Variants in NAV3 observed in about 807,000 individuals in gnomAD.
NAV3 encodes the protein pore membrane and/or filament interacting like protein 1.
NAV3 carries 87 observed loss-of-function variants against 244.7 expected under a neutral mutation model. The ratio of observed to expected loss-of-function variants is 0.36; its 90% CI spans 0.30 to 0.42. The LOEUF (loss-of-function observed/expected upper bound fraction) is 0.42, where lower values mean the gene tolerates loss of function less well. Among genes scored for constraint, NAV3 ranks in the 20% least tolerant of loss-of-function variants. The pLI, the probability that NAV3 is intolerant of heterozygous loss-of-function variation, is 1.00. For synonymous variants in NAV3, 1,126 were observed against 1,042.2 expected, an observed-to-expected ratio of 1.08 and a Z score of -1.55; for missense variants, 2,663 against 2,893.3, an observed-to-expected ratio of 0.92 and a Z score of 1.83.
At chr12:78,045,544 C>T (rs567207787) in intron 9 of NAV3, among the ~76,000 whole-genome samples, 91 of 152,148 alleles carry the variant, frequency 6.0e-4, no homozygotes, top group Non-Finnish European at 1.1e-3. Flanking sequence ...CTGCCCACCT[C>T]AGCCTCCCAA....
At chr12:77,605,954 AG>A (rs1220169951) in intron 2 of NAV3, among the ~76,000 whole-genome samples, 1 of 152,184 alleles carries the variant, frequency 6.6e-6, no homozygotes, top group Admixed American at 6.5e-5. Context: ...GCGATTCCAC[AG>A]GGAACATTTT....
chr12:77,749,884 T>C (rs1286097657), intron 2 of NAV3, among the ~76,000 whole-genome samples: 2 of 152,194 alleles, frequency 1.3e-5, no homozygotes, highest in Non-Finnish European at 2.9e-5. Flanking sequence ...ATGTAACAGA[T>C]GCTAGAGTTC....
chr12:77,685,228 T>G (rs1244031773), intron 2 of NAV3, among the ~76,000 whole-genome samples: 1 of 152,190 alleles, frequency 6.6e-6, no homozygotes, highest in Non-Finnish European at 1.5e-5. Context: ...TATGCATAAA[T>G]CTTTTAACCA....
At chr12:78,143,545 C>A (rs1450027154) in intron 20 of NAV3, 4 of 260,934 alleles carry the variant, frequency 1.5e-5, no homozygotes, top group Non-Finnish European at 3.1e-5. Context: ...GCAGGAGAAT[C>A]GCCTGAACCT....
intron 9 of NAV3, among the ~76,000 whole-genome samples, chr12:78,024,347 A>C (rs971424559): frequency 1.2e-4 from 18 of 152,160 alleles, no homozygotes; most frequent in African/African-American, 4.1e-4. Flanking sequence ...AACTCACTTT[A>C]CATATATGAC....
chr12:77,701,438 C>T (rs980616234), intron 2 of NAV3, among the ~76,000 whole-genome samples: 3 of 151,820 alleles, frequency 2.0e-5, no homozygotes, highest in South Asian at 2.1e-4. Context: ...TCTTCTTGAT[C>T]AGTCTTGCTA....
intron 2 of NAV3, among the ~76,000 whole-genome samples, chr12:77,620,708 C>A (rs1871335299): frequency 6.6e-6 from 1 of 152,018 alleles, no homozygotes; most frequent in Non-Finnish European, 1.5e-5. Context: ...GTGATCCACC[C>A]CCCTCAGCCT....
intron 9 of NAV3, among the ~76,000 whole-genome samples, chr12:78,040,847 A>G (rs1880734006): frequency 6.6e-6 from 1 of 152,094 alleles, no homozygotes; most frequent in Admixed American, 6.5e-5. Flanking sequence ...TGCTTCTCCA[A>G]TTTTGTCCCC....
At chr12:77,853,554 T>C (rs1253124466) in intron 1 of NAV3, among the ~76,000 whole-genome samples, 2 of 152,174 alleles carry the variant, frequency 1.3e-5, no homozygotes, top group Non-Finnish European at 2.9e-5. Context: ...AACTATTCTA[T>C]GCAAAAAGCA....
At chr12:77,613,494 G>T (rs965431021) in intron 2 of NAV3, among the ~76,000 whole-genome samples, 2 of 152,100 alleles carry the variant, frequency 1.3e-5, no homozygotes, top group Non-Finnish European at 2.9e-5. Flanking sequence ...AAGACTCAGG[G>T]TGTCCTCTGT....
intron 24 of NAV3, among the ~76,000 whole-genome samples, chr12:78,170,608 T>A (rs1957961186): frequency 6.6e-6 from 1 of 151,782 alleles, no homozygotes; most frequent in Admixed American, 6.6e-5. Context: ...GCTTCATTTA[T>A]TCAACAAATA....
chr12:77,696,339 A>G (rs1373529887), intron 2 of NAV3, among the ~76,000 whole-genome samples: 2 of 152,182 alleles, frequency 1.3e-5, no homozygotes, highest in East Asian at 3.9e-4. Context: ...TGATGAAACA[A>G]GCTGCTATGT....
At chr12:78,098,881 T>A (rs537400872) in intron 12 of NAV3, among the ~76,000 whole-genome samples, 15 of 151,106 alleles carry the variant, frequency 9.9e-5, no homozygotes, top group Admixed American at 4.6e-4. Context: ...ACTATTAATA[T>A]AATTAGTAAC....
intron 2 of NAV3, among the ~76,000 whole-genome samples, chr12:77,623,608 G>T (rs1011813726): frequency 6.6e-6 from 1 of 152,136 alleles, no homozygotes; most frequent in Non-Finnish European, 1.5e-5. Context: ...CTATTTTACC[G>T]CTGCTCAGCA....
intron 2 of NAV3, among the ~76,000 whole-genome samples, chr12:77,805,414 A>G (rs896248178): frequency 2.0e-5 from 3 of 152,180 alleles, no homozygotes; most frequent in African/African-American, 7.2e-5. Context: ...TTCTGCATCT[A>G]TTGAGATAAT....
chr12:78,165,629 C>T (rs927273271), intron 23 of NAV3, among the ~76,000 whole-genome samples: 6 of 151,476 alleles, frequency 4.0e-5, no homozygotes, highest in Non-Finnish European at 5.9e-5. Flanking sequence ...CATCTGAAGG[C>T]CACATTACAA....
chr12:78,024,385 T>A (rs1877657981), intron 9 of NAV3, among the ~76,000 whole-genome samples: 1 of 152,154 alleles, frequency 6.6e-6, no homozygotes, highest in Non-Finnish European at 1.5e-5. Context: ...TATGTAATGC[T>A]CCTGGCAGTC....
chr12:77,610,570 G>C (rs911458064), intron 2 of NAV3, among the ~76,000 whole-genome samples: 7 of 152,052 alleles, frequency 4.6e-5, no homozygotes, highest in Non-Finnish European at 1.0e-4. Flanking sequence ...GACTTGTGCT[G>C]GTTGCACACA....
chr12:78,066,446 A>C (rs944926111), intron 12 of NAV3, among the ~76,000 whole-genome samples: 3 of 152,290 alleles, frequency 2.0e-5, no homozygotes, highest in African/African-American at 7.2e-5. Flanking sequence ...TCATCCAGGT[A>C]GCTATTCAGT....
Sources: allele counts gnomAD v4.1 joint callset (sites outside exome capture counted in the v4.1 genomes callset), GRCh38; gene constraint gnomAD v4.1.1; transcripts MANE v1.5; gene names NCBI Gene and HGNC (gene_info 2026-07-23, HGNC 2026-07-21).